Variants in HGS observed in about 807,000 individuals in gnomAD.
HGS encodes hepatocyte growth factor-regulated tyrosine kinase substrate.
Under a neutral mutation model 109.7 loss-of-function variants are expected in HGS, and 63 were observed. The ratio of observed to expected loss-of-function variants is 0.57; its 90% CI spans 0.47 to 0.71. The LOEUF is 0.71. Among genes scored for constraint, HGS ranks in the 30% least tolerant of loss-of-function variants. HGS has a pLI of 0.00. For synonymous variants in HGS, 546 were observed against 437.3 expected, an observed-to-expected ratio of 1.25 and a Z score of -3.10; for missense variants, 995 against 1,068.3, an observed-to-expected ratio of 0.93 and a Z score of 0.96.
intron 20 of HGS, 103 bp downstream of exon 20, chr17:81,700,917 C>T: frequency 6.6e-7 from 1 of 1,510,494 alleles, no homozygotes; most frequent in Non-Finnish European, 9.1e-7. Flanking sequence ...GGCTCCACCC[C>T]TTCTGCTCCT....
chr17:81,695,830 C>T lies in HGS; in HGVS notation c.1224C>T (p.Phe408=), dbSNP rs755153255. The change falls in exon 15 of 22, where the codon TTC becomes TTT. Residue 408 remains phenylalanine, a synonymous_variant. Transcript: ENST00000329138. ...NGESEESHEQ[F]LKALQNAVTT... is the part of the protein sequence containing the mutation. ...AGTCTGAGGAGAGCCACGAGCAGTT[C>T]CTGAAGGCGCTGCAGAACGCCGTCA... The T allele has an allele frequency of 6.2e-7, 1 of 1,613,410 alleles. No homozygotes were observed. Among genetic ancestry groups the T allele is most frequent in the Non-Finnish European group, 8.5e-7 (1 of 1,180,010 alleles).
At chr17:81,700,132 C>T (rs913147998) in intron 18 of HGS, among the ~76,000 whole-genome samples, 3 of 151,428 alleles carry the variant, frequency 2.0e-5, no homozygotes, top group Non-Finnish European at 2.9e-5. Flanking sequence ...TTTGGGAGGC[C>T]GAGGCGGGCG....
chr17:81,700,983 A>T (rs897782290), intron 20 of HGS, 62 bp from the exon 21 acceptor site: 3 of 1,560,978 alleles, frequency 1.9e-6, no homozygotes, highest in Non-Finnish European at 1.8e-6. Flanking sequence ...TGCAAGCCAG[A>T]AACATCCCCG....
chr17:81,690,324 G>A, intron 6 of HGS, 90 bp downstream of exon 6: 3 of 1,342,816 alleles, frequency 2.2e-6, no homozygotes, highest in Admixed American at 1.7e-5. Context: ...TTTGAGGGTT[G>A]GTGGCTGAGC....
At position 81,701,540 on chromosome 17, in the gene HGS, G is replaced by A. The variant is rs764345732; in HGVS notation, c.2256G>A (p.Gln752=). The A allele has an allele frequency of 1.3e-6, 2 of 1,564,462 alleles. No individual in the cohort carries two copies. Among genetic ancestry groups the A allele is most frequent in the East Asian group, 4.7e-5 (2 of 42,472 alleles). The part of the protein sequence containing the change: ...MAPSGGPPQQ[Q]PPVAQQPQAQ... ...CCTCTGGCGGTCCCCCCCAGCAGCAGCCCCCCGTGGCCCAGCAACCGCAGG... is the reference window on the plus strand; with the variant it reads ...CCTCTGGCGGTCCCCCCCAGCAGCAACCCCCCGTGGCCCAGCAACCGCAGG... Residue 752 remains glutamine (Q), a synonymous_variant, in exon 22 of 22, where the codon CAG becomes CAA. Coordinates refer to ENST00000329138, the MANE Select transcript of HGS (RefSeq NM_004712.5).
chr17:81,687,609 G>A (rs62077177), intron 4 of HGS, among the ~76,000 whole-genome samples: 3,415 of 152,318 alleles, frequency 0.022, 72 homozygotes, highest in African/African-American at 0.05. Context: ...CTGGGCAGAG[G>A]AGGAAAAGCC....
rs562813317 is a variant in HGS at position 81,686,530 on chromosome 17, C to T, written c.198+143C>T. 2.5e-4 allele frequency: 162 copies of T among 642,800 alleles called. 3 individuals carry two copies. In the South Asian group the frequency reaches 2.9e-3, roughly 12 times the overall value. 39.8% of individuals were successfully genotyped at this position (642,800 alleles called of 1,614,324 possible). ...GAGAGTTTCCACTCAGCCTTGAGTGCCTGTGTGAACAGTGCCACCTAGGAG... is the reference window on the plus strand; with the variant it reads ...GAGAGTTTCCACTCAGCCTTGAGTGTCTGTGTGAACAGTGCCACCTAGGAG... On this transcript the variant is annotated intron_variant, in intron 3 of 21. Transcript: ENST00000329138.
intron 6 of HGS, 181 bp downstream of exon 6, chr17:81,690,415 C>G (rs1485761393): frequency 1.4e-6 from 1 of 700,000 alleles, no homozygotes; most frequent in African/African-American, 1.8e-5. Context: ...GAGGTGGAGA[C>G]GTGGCTTGAG....
intron 4 of HGS, among the ~76,000 whole-genome samples, chr17:81,688,371 C>T (rs58038388): frequency 0.022 from 3,358 of 152,342 alleles, 69 homozygotes; most frequent in African/African-American, 0.049. Context: ...ACGCTGCCAC[C>T]GTCAGGCCTG....
At chr17:81,698,121 G>A (rs1006145048) in intron 18 of HGS, 1 of 152,126 alleles carries the variant, frequency 6.6e-6, no homozygotes, top group Admixed American at 6.6e-5. Flanking sequence ...AGGATGGTGA[G>A]ACCCTGTCTC....
At position 81,688,751 on chromosome 17, in the gene HGS, G is replaced by A; in HGVS notation, c.339G>A (p.Gln113=). ...NVRNKILYLI[Q]AWAHAFRNEP... ...GTAACAAGATCCTGTACCTGATCCA[G>A]GCCTGGGCGCATGCCTTCCGGAACG... is the stretch of plus-strand genomic sequence containing the variant. Residue 113 remains glutamine (Q), a synonymous_variant, in exon 5 of 22, where the codon CAG becomes CAA. Coordinates refer to ENST00000329138, the MANE Select transcript of HGS (RefSeq NM_004712.5). 2 of 1,614,162 alleles carry A rather than the reference G, an allele frequency of 1.2e-6. No individual in the cohort carries two copies. Among genetic ancestry groups the A allele is most frequent in the Non-Finnish European group, 1.7e-6 (2 of 1,180,014 alleles).
At chr17:81,690,774 C>A in intron 7 of HGS, 32 bp downstream of exon 7, 1 of 1,587,162 alleles carries the variant, frequency 6.3e-7, no homozygotes, top group Non-Finnish European at 8.6e-7. Context: ...TCTACAGCCC[C>A]GGCCAGACAC....
At chr17:81,687,166 A>G (rs1389936564) in intron 4 of HGS, 71 bp downstream of exon 4, 3 of 1,013,966 alleles carry the variant, frequency 3.0e-6, no homozygotes. Context: ...TTTACTGGGC[A>G]CTGATGACAG....
chr17:81,685,713 T>C (rs986038275), intron 2 of HGS, 24 bp downstream of exon 2: 1 of 1,591,482 alleles, frequency 6.3e-7, no homozygotes, highest in Non-Finnish European at 8.6e-7. Context: ...GCCTGTGCCC[T>C]GATGCGGAGG....
chr17:81,694,641 T>C (rs1226091852), intron 11 of HGS, among the ~76,000 whole-genome samples, 174 bp from the exon 12 acceptor site: 18 of 152,142 alleles, frequency 1.2e-4, no homozygotes, highest in Non-Finnish European at 2.9e-5. Flanking sequence ...GTTCTAAGCA[T>C]CTGGAAGAGG....
At position 81,688,793 on chromosome 17, in the gene HGS, G is replaced by T; in HGVS notation, c.381G>T (p.Val127=). The change falls in exon 5 of 22, where the codon GTG becomes GTT. Residue 127 remains valine (V), a synonymous_variant. Coordinates refer to ENST00000329138, the MANE Select transcript of HGS (RefSeq NM_004712.5). ...HAFRNEPKYK[V]VQDTYQIMKV... ...TCCGGAACGAGCCCAAGTACAAGGT[G>T]GTCCAGGACACCTACCAGATCATGA... The T allele has an allele frequency of 1.9e-6, 3 of 1,614,172 alleles. No homozygotes were observed. The highest frequency in any genetic ancestry group is 1.7e-5 in the Admixed American group (1 of 60,028).
intron 20 of HGS, 112 bp downstream of exon 20, chr17:81,700,926 C>T: frequency 6.6e-7 from 1 of 1,523,634 alleles, no homozygotes; most frequent in Non-Finnish European, 9.0e-7. Flanking sequence ...CCTTCTGCTC[C>T]TCCCCCTCCA....
Position 81,695,084 on chromosome 17 carries a change from C to G in HGS, c.1119+17C>G. 2 of 1,612,182 alleles carry G rather than the reference C, an allele frequency of 1.2e-6. No individual in the cohort carries two copies. The highest frequency in any genetic ancestry group is 1.7e-6 in the Non-Finnish European group (2 of 1,178,538). On this transcript the variant is annotated intron_variant, in intron 13 of 21. Coordinates refer to ENST00000329138, the MANE Select transcript of HGS (RefSeq NM_004712.5). ...GTGGTGGAGGTGAGGGGGCCACTCC[C>G]GGCATTCCTAGTGGCAGGGTCCCTT...
chr17:81,696,816 G>T lies in HGS; in HGVS notation c.1708-8G>T, dbSNP rs751386889. 42 of 1,605,312 alleles carry T rather than the reference G, an allele frequency of 2.6e-5. No individual in the cohort carries two copies. Among genetic ancestry groups the T allele is most frequent in the Non-Finnish European group, 3.3e-5 (39 of 1,174,938 alleles). The stretch of plus-strand genomic sequence containing the variant: ...ACCAACTCTCACCGCTGTCTCTTTT[G>T]TCCCCAGCTCCAGGCCATGCCCGCA... On this transcript the variant is annotated splice_region_variant and splice_polypyrimidine_tract_variant and intron_variant, in intron 17 of 21. Transcript: ENST00000329138.
Sources: allele counts gnomAD v4.1 joint callset (sites outside exome capture counted in the v4.1 genomes callset), GRCh38; gene constraint gnomAD v4.1.1; transcripts MANE v1.5; gene names NCBI Gene and HGNC (gene_info 2026-07-23, HGNC 2026-07-21).